The following RIOX2 variants were observed in gnomAD, a reference collection of about 807,000 sequenced individuals.
RIOX2 encodes ribosomal oxygenase 2.
Under a neutral mutation model 51.2 loss-of-function variants are expected in RIOX2, and 43 were observed. That is an observed-to-expected ratio of 0.84 (90% CI 0.66 to 1.08). RIOX2 has a LOEUF of 1.08. Among genes scored for constraint, RIOX2 ranks in the 50% least tolerant of loss-of-function variants. The probability of loss-of-function intolerance (pLI) is 0.00; values close to 1 mark genes in which losing one functional copy is unlikely to be tolerated. For synonymous variants in RIOX2, 226 were observed against 218.5 expected, an observed-to-expected ratio of 1.03 and a Z score of -0.30; for missense variants, 566 against 561.7, an observed-to-expected ratio of 1.01 and a Z score of -0.08.
At position 97,945,867 on chromosome 3, in the gene RIOX2, C is replaced by T. The variant is rs1405235384; in HGVS notation, c.1170G>A (p.Met390Ile). 2 of 1,608,872 alleles carry T rather than the reference C, an allele frequency of 1.2e-6. No individual in the cohort carries two copies. The highest frequency in any genetic ancestry group is 1.7e-6 in the Non-Finnish European group (2 of 1,176,226). Residue 390 changes from methionine (M) to isoleucine (I), a missense_variant, in exon 9 of 10, where the codon ATG becomes ATA. Transcript: ENST00000394198. ...TCTTTAAGGAATGATAGATGTACAC[C>T]ATCTTTTCTTGAGCTTCATCCTTTG... The part of the protein sequence containing the change: ...QDQSDEAQEK[M>I]VYIYHSLKNS...
Position 97,950,789 on chromosome 3 carries a change from G to A in RIOX2, c.885C>T (p.Leu295=). 2 of 1,613,330 alleles carry A rather than the reference G, an allele frequency of 1.2e-6. No homozygotes were observed. The part of the protein sequence containing the change: ...ELRTGIPRQL[L]LQVESTTVAT... ...CCTACCTGCCTTTACTCCTTACCAG[G>A]AGCAGCTGCCGGGGTATGCCGGTCC... is the stretch of plus-strand genomic sequence containing the variant. Residue 295 remains leucine (L), a synonymous_variant, in exon 6 of 10, where the codon CTC becomes CTT. Coordinates refer to ENST00000394198, the MANE Select transcript of RIOX2 (RefSeq NM_153182.4).
In RIOX2 at chr3:97,944,923, G is replaced by A; in HGVS notation, c.*261C>T. ...ATTCTAAATGATACATTGGAATTGT[G>A]CCTTTTCTACCACACTGGATTAAAT... On this transcript the variant is annotated 3_prime_UTR_variant, in exon 10 of 10. Coordinates refer to ENST00000394198, the MANE Select transcript of RIOX2 (RefSeq NM_153182.4). The A allele has an allele frequency of 3.8e-6, 1 of 263,908 alleles. No individual in the cohort carries two copies. The highest frequency in any genetic ancestry group is 7.1e-6 in the Non-Finnish European group (1 of 141,150). The allele number at this position is 263,908 out of a possible 1,614,324, so 16.3% of individuals were successfully genotyped here. A position where few individuals can be genotyped will look rare whatever the true frequency, so the allele number is the denominator to read the frequency against.
intron 2 of RIOX2, among the ~76,000 whole-genome samples, chr3:97,965,530 C>T (rs1186374131): frequency 6.8e-6 from 1 of 147,934 alleles, no homozygotes; most frequent in African/African-American, 2.5e-5. Context: ...AAAAAAAAGG[C>T]ACATCCTAGT....
Position 97,959,169 on chromosome 3 carries a change from A to G in RIOX2, c.563T>C (p.Leu188Pro). 3 of 1,613,814 alleles carry G rather than the reference A, an allele frequency of 1.9e-6. 1 individual carries two copies. The highest frequency in any genetic ancestry group is 3.3e-4 in the Middle Eastern group (2 of 6,050). The change falls in exon 4 of 10, where the codon CTG becomes CCG. Residue 188 changes from leucine (L) to proline (P), a missense_variant. Physicochemically the swap from Leu to Pro is moderately conservative, Grantham distance 98. Coordinates refer to ENST00000394198, the MANE Select transcript of RIOX2 (RefSeq NM_153182.4). ...CCAGTGTTTCTCTCCCTCCAGCTGC[A>G]GGATGAAAACCTAGAGACCCACAAG... ...PHYDDVEVFI[L>P]QLEGEKHWRL...
rs1490691212 is a variant in RIOX2 at position 97,945,147 on chromosome 3, G to A, written c.*37C>T. On this transcript the variant is annotated 3_prime_UTR_variant, in exon 10 of 10. Transcript: ENST00000394198. ...GGTCTTTGCTTTTCTTTTAATATAT[G>A]CATATAAAATAGTAGGCATTTGATT... 1.3e-6 allele frequency: 2 copies of A among 1,550,882 alleles called. No homozygotes were observed. The highest frequency in any genetic ancestry group is 1.7e-6 in the Non-Finnish European group (2 of 1,148,068).
intron 9 of RIOX2, 106 bp from the exon 10 acceptor site, chr3:97,945,448 C>G: frequency 1.0e-6 from 1 of 1,002,100 alleles, no homozygotes; most frequent in South Asian, 1.7e-5. Context: ...TTTGATACCC[C>G]TCATGAGTAT....
chr3:97,961,548 C>T lies in RIOX2; in HGVS notation c.552+41G>A, dbSNP rs370516705. The T allele has an allele frequency of 2.7e-5, 42 of 1,564,914 alleles. No homozygotes were observed. In the African/African-American group the frequency reaches 5.4e-4, roughly 20 times the overall value. ...CTCTACTAAACCAGGCTCTCAACAA[C>T]TCATTCTTCCCAACATGGGGCAATT... On this transcript the variant is annotated intron_variant, in intron 3 of 9. Transcript: ENST00000394198.
At chr3:97,952,312 A>G in intron 5 of RIOX2, 1 of 1,069,314 alleles carries the variant, frequency 9.4e-7, no homozygotes, top group Non-Finnish European at 1.3e-6. Flanking sequence ...CCCACCCACA[A>G]TCCTAAGCAG....
intron 4 of RIOX2, among the ~76,000 whole-genome samples, chr3:97,955,282 G>A (rs1705407616): frequency 6.6e-6 from 1 of 152,082 alleles, no homozygotes; most frequent in Admixed American, 6.5e-5. Context: ...GGGCAGCTGA[G>A]CCTCCTCTAC....
At chr3:97,947,250 G>A (rs2040387477) in intron 8 of RIOX2, 111 bp downstream of exon 8, 2 of 767,238 alleles carry the variant, frequency 2.6e-6, no homozygotes, top group Non-Finnish European at 4.5e-6. Context: ...TAAACTGAAT[G>A]CAGGTGGATT....
At chr3:97,962,309 CAA>C (rs969078156) in intron 2 of RIOX2, among the ~76,000 whole-genome samples, 2 of 116,512 alleles carry the variant, frequency 1.7e-5, no homozygotes, top group East Asian at 5.5e-4. Context: ...GTTTTCAGGA[CAA>C]AAAAAAGAGT....
Position 97,967,315 on chromosome 3 carries a change from C to A in RIOX2, c.279G>T (p.Gly93=). Residue 93 remains glycine, a synonymous_variant, in exon 2 of 10, where the codon GGG becomes GGT. Transcript: ENST00000394198. ...LTDLKSLCSR[G]MYYGRDVNVC... Reference sequence around the variant, plus strand: ...CATTCACATCTCTTCCATAGTACATCCCCCGGCTGCACAGACTCTTCAGAT... The same window carrying A: ...CATTCACATCTCTTCCATAGTACATACCCCGGCTGCACAGACTCTTCAGAT... 6.2e-7 allele frequency: 1 copy of A among 1,614,174 alleles called. No homozygotes were observed.
intron 2 of RIOX2, among the ~76,000 whole-genome samples, chr3:97,962,228 T>C (rs549261500): frequency 6.6e-6 from 1 of 152,086 alleles, no homozygotes; most frequent in South Asian, 2.1e-4. Flanking sequence ...AAAAATACTC[T>C]TGGGTTTTTG....
intron 2 of RIOX2, among the ~76,000 whole-genome samples, chr3:97,966,828 C>G (rs905925341): frequency 1.3e-5 from 2 of 152,208 alleles, no homozygotes; most frequent in East Asian, 3.9e-4. Flanking sequence ...AAATGTCTAT[C>G]ATATAGAAAA....
At chr3:97,956,566 G>A (rs966907786) in intron 4 of RIOX2, among the ~76,000 whole-genome samples, 7 of 151,076 alleles carry the variant, frequency 4.6e-5, no homozygotes, top group Admixed American at 1.3e-4. Flanking sequence ...GCGTGATCTC[G>A]GTCACTGCAA....
intron 9 of RIOX2, 76 bp from the exon 10 acceptor site, chr3:97,945,418 A>T: frequency 7.7e-7 from 1 of 1,305,528 alleles, no homozygotes; most frequent in East Asian, 2.5e-5. Context: ...CTGTAAATTT[A>T]TTCTCCATAC....
At chr3:97,963,629 G>A (rs1354918409) in intron 2 of RIOX2, among the ~76,000 whole-genome samples, 4 of 152,124 alleles carry the variant, frequency 2.6e-5, no homozygotes, top group Admixed American at 2.6e-4. Context: ...TAGAAAACCA[G>A]GGCTTCTCTC....
intron 8 of RIOX2, among the ~76,000 whole-genome samples, chr3:97,946,586 G>GTGTATATA (rs143245408): frequency 4.8e-4 from 61 of 127,610 alleles, no homozygotes; most frequent in African/African-American, 2.0e-3. Flanking sequence ...TTTTGAGGAT[G>GTGTATATA]TATATATATA....
chr3:97,949,215 C>T lies in RIOX2; in HGVS notation c.1060+629G>A, dbSNP rs140634944. Among the ~76,000 whole-genome samples the T allele has an allele frequency of 2.7e-3, 404 of 152,116 alleles. 2 individuals are homozygous for T. Among genetic ancestry groups the T allele is most frequent in the South Asian group, 0.015 (71 of 4,816 alleles). Reference sequence around the variant, plus strand: ...ATAGATAATTCCCTGGGGTTGGGGGCGGTGAGTGACTTCTTGTTCCATTAG... The same window carrying T: ...ATAGATAATTCCCTGGGGTTGGGGGTGGTGAGTGACTTCTTGTTCCATTAG... On this transcript the variant is annotated intron_variant, in intron 7 of 9. Coordinates refer to ENST00000394198, the MANE Select transcript of RIOX2 (RefSeq NM_153182.4).
Sources: gnomAD v4.1 joint callset for allele counts (sites outside exome capture counted in the v4.1 genomes callset) on GRCh38, gnomAD v4.1.1 for gene constraint, MANE v1.5 for transcripts, NCBI Gene and HGNC (gene_info 2026-07-23, HGNC 2026-07-21) for gene names.